Variants in AK5 observed in about 807,000 individuals in gnomAD.
AK5 encodes adenylate kinase isoenzyme 5.
AK5 carries 27 observed loss-of-function variants against 69.5 expected under a neutral mutation model. The observed-to-expected ratio is 0.39, with a 90% CI of 0.29 to 0.54. The LOEUF (loss-of-function observed/expected upper bound fraction) is 0.54. Among genes scored for constraint, AK5 ranks in the 20% least tolerant of loss-of-function variants. AK5 has a pLI of 0.71. For synonymous variants in AK5, 260 were observed against 244.4 expected, an observed-to-expected ratio of 1.06 and a Z score of -0.60; for missense variants, 531 against 700.4, an observed-to-expected ratio of 0.76 and a Z score of 2.73.
intron 1 of AK5, among the ~76,000 whole-genome samples, chr1:77,284,144 T>C (rs1295222152): frequency 6.6e-6 from 1 of 152,210 alleles, no homozygotes; most frequent in African/African-American, 2.4e-5. Flanking sequence ...TGGACTTAGA[T>C]TCACTTGTGG....
In AK5 at chr1:77,385,320, C is replaced by T. The variant is rs938011091; in HGVS notation, c.892-25661C>T. Among the ~76,000 whole-genome samples the T allele has an allele frequency of 1.2e-4, 19 of 152,050 alleles. No individual in the cohort carries two copies. In the South Asian group the frequency reaches 2.7e-3, roughly 22 times the overall value. On this transcript the variant is annotated intron_variant, in intron 6 of 13. Transcript: ENST00000354567. ...GACTACAGGTGCCCGCCACCACGCC[C>T]GGCTAATTTTTTGTATTTTTAGTAG...
intron 8 of AK5, chr1:77,420,182 G>A (rs911321792): frequency 1.3e-5 from 2 of 152,170 alleles, no homozygotes; most frequent in African/African-American, 4.8e-5. Flanking sequence ...TGCTGGGGGA[G>A]GAACAGATTA....
At chr1:77,461,156 C>T (rs1226561548) in intron 8 of AK5, among the ~76,000 whole-genome samples, 1 of 151,688 alleles carries the variant, frequency 6.6e-6, no homozygotes, top group African/African-American at 2.4e-5. Context: ...GCCTCAGCCT[C>T]CCGAGTAGCT....
chr1:77,408,103 T>G (rs1176909230), intron 6 of AK5, among the ~76,000 whole-genome samples: 1 of 152,158 alleles, frequency 6.6e-6, no homozygotes, highest in Non-Finnish European at 1.5e-5. Context: ...ATGAGTGCAT[T>G]TGTCTTTTTA....
intron 13 of AK5, among the ~76,000 whole-genome samples, chr1:77,552,535 T>G (rs771520569): frequency 1.3e-5 from 2 of 152,158 alleles, no homozygotes; most frequent in Non-Finnish European, 2.9e-5. Context: ...GGGAAGGTAA[T>G]ACAGAAAGAG....
rs1553164210 is a variant in AK5, at chr1:77,559,214, C to CATG, written c.*547_*549dup. 1.3e-5 allele frequency: 2 copies of CATG among 152,252 alleles called. No homozygotes were observed. The highest frequency in any genetic ancestry group is 2.1e-4 in the South Asian group (1 of 4,836). The allele number at this position is 152,252 out of a possible 1,614,324, so 9.4% of individuals were successfully genotyped here. On this transcript the variant is annotated 3_prime_UTR_variant, in exon 14 of 14. Coordinates refer to ENST00000354567, the MANE Select transcript of AK5 (RefSeq NM_174858.3). ...TGGGTTGATTACACAATGCCTTGTA[C>CATG]ATGATATAGAGGCATCAAGCAAGTA...
At chr1:77,484,968 A>G (rs1309480824) in intron 9 of AK5, among the ~76,000 whole-genome samples, 5 of 152,200 alleles carry the variant, frequency 3.3e-5, no homozygotes, top group Non-Finnish European at 5.9e-5. Context: ...ATAGGATACA[A>G]TCATACCAAA....
At chr1:77,359,401 G>A (rs971169894) in intron 6 of AK5, among the ~76,000 whole-genome samples, 1 of 152,016 alleles carries the variant, frequency 6.6e-6, no homozygotes, top group Non-Finnish European at 1.5e-5. Context: ...TCCATATGTA[G>A]CATGTTAATG....
intron 8 of AK5, among the ~76,000 whole-genome samples, chr1:77,435,387 C>T (rs781185315): frequency 1.3e-5 from 2 of 152,096 alleles, no homozygotes; most frequent in African/African-American, 4.8e-5. Flanking sequence ...TGGTGGCTCA[C>T]GCCTGTAATC....
intron 6 of AK5, among the ~76,000 whole-genome samples, chr1:77,353,597 A>G (rs1281626510): frequency 6.6e-6 from 1 of 152,218 alleles, no homozygotes; most frequent in African/African-American, 2.4e-5. Context: ...TAAACTGCGC[A>G]GTCTTACTCT....
At chr1:77,417,564 C>A in intron 7 of AK5, 75 bp from the exon 8 acceptor site, 1 of 871,468 alleles carries the variant, frequency 1.1e-6, no homozygotes, top group Admixed American at 1.9e-5. Context: ...ATATGGAAAC[C>A]TAGTGAGAGA....
chr1:77,443,386 T>C (rs1652452184), intron 8 of AK5, among the ~76,000 whole-genome samples: 1 of 152,190 alleles, frequency 6.6e-6, no homozygotes, highest in African/African-American at 2.4e-5. Context: ...ATGGATCAAA[T>C]TGCAAGGTGC....
intron 10 of AK5, among the ~76,000 whole-genome samples, chr1:77,493,260 A>G (rs1349533996): frequency 2.6e-5 from 4 of 152,050 alleles, no homozygotes; most frequent in Non-Finnish European, 5.9e-5. Flanking sequence ...AAGGCCGAGG[A>G]AAGATGAATT....
chr1:77,538,909 CAG>C (rs986079770), intron 13 of AK5, among the ~76,000 whole-genome samples: 10 of 152,108 alleles, frequency 6.6e-5, no homozygotes, highest in Non-Finnish European at 1.5e-4. Context: ...TCCAAAAGAC[CAG>C]ATTACAACAC....
chr1:77,291,953 C>A (rs1658711814), intron 2 of AK5, among the ~76,000 whole-genome samples: 1 of 152,290 alleles, frequency 6.6e-6, no homozygotes, highest in African/African-American at 2.4e-5. Context: ...GTGTCAATGA[C>A]AAGAAGCAGT....
rs546143689 is a variant in AK5, at chr1:77,481,732, C to A, written c.1060-1585C>A. On this transcript the variant is annotated intron_variant, in intron 8 of 13. Coordinates refer to ENST00000354567, the MANE Select transcript of AK5 (RefSeq NM_174858.3). ...AAAATGGTACAACCTCTGTGGGGAGCAGTTTGGCAAAATTCGATCAAAATT... is the reference window on the plus strand; with the variant it reads ...AAAATGGTACAACCTCTGTGGGGAGAAGTTTGGCAAAATTCGATCAAAATT... 9.2e-5 allele frequency among the ~76,000 whole-genome samples: 14 copies of A among 152,310 alleles called. No homozygotes were observed. In the East Asian group the frequency reaches 2.7e-3, roughly 29 times the overall value.
chr1:77,488,550 C>T (rs1052192160), intron 10 of AK5, among the ~76,000 whole-genome samples: 1 of 152,266 alleles, frequency 6.6e-6, no homozygotes, highest in African/African-American at 2.4e-5. Context: ...TACATATATA[C>T]ATATAGGAAT....
intron 5 of AK5, among the ~76,000 whole-genome samples, chr1:77,306,028 A>G (rs961254539): frequency 2.6e-5 from 4 of 151,838 alleles, no homozygotes; most frequent in African/African-American, 7.3e-5. Flanking sequence ...TCAGTGTTTT[A>G]TAGTTTTCAT....
intron 6 of AK5, among the ~76,000 whole-genome samples, chr1:77,390,876 G>A (rs1326349292): frequency 1.3e-5 from 2 of 152,154 alleles, no homozygotes; most frequent in African/African-American, 4.8e-5. Context: ...AAATGTTTGT[G>A]TACAATCACT....
Sources: gnomAD v4.1 joint callset for allele counts (sites outside exome capture counted in the v4.1 genomes callset) on GRCh38, gnomAD v4.1.1 for gene constraint, MANE v1.5 for transcripts, NCBI Gene and HGNC (gene_info 2026-07-23, HGNC 2026-07-21) for gene names.